The following CMSS1 variants were observed in gnomAD, a reference collection of about 807,000 sequenced individuals.
The protein encoded by CMSS1 is protein CMSS1.
Under a neutral mutation model 43.5 loss-of-function variants are expected in CMSS1, and 33 were observed. That is an observed-to-expected ratio of 0.76 (90% CI 0.57 to 1.01). The LOEUF (loss-of-function observed/expected upper bound fraction) is 1.01, where lower values mean the gene tolerates loss of function less well. CMSS1 is among the 50% of genes least tolerant of loss of function. CMSS1 has a pLI of 0.00. For missense variants in CMSS1, 313 were observed against 326.4 expected (o/e 0.96, Z 0.32); for synonymous variants, 115 against 117.2 (o/e 0.98, Z 0.12).
At position 100,120,965 on chromosome 3, in the gene CMSS1, G is replaced by T. The variant is rs1330086223; in HGVS notation, c.65-26008G>T. Among the ~76,000 whole-genome samples, 8 of 152,202 alleles carry T rather than the reference G, an allele frequency of 5.3e-5. No homozygotes were observed. In the East Asian group the frequency reaches 1.5e-3, roughly 29 times the overall value. On this transcript the variant is annotated intron_variant, in intron 1 of 9. Transcript: ENST00000421999. The stretch of plus-strand genomic sequence containing the variant: ...CTTAAGGACAGGGCTATGGCATCCA[G>T]CTTTGTACTCATGAAAATTGTGTGG...
rs765510032 is a variant in CMSS1 at position 99,818,081 on chromosome 3, C to T, written c.64+38C>T. 4 of 1,598,276 alleles carry T rather than the reference C, an allele frequency of 2.5e-6. No individual in the cohort carries two copies. The South Asian group carries it at 4.4e-5, about 18-fold the overall frequency. ...TGCCCGCGCTCCTACGGGGCCTCTC[C>T]CGGAGCCCTTCCGTGCGCCTCAGCC... On this transcript the variant is annotated intron_variant, in intron 1 of 9. Transcript: ENST00000421999.
intron 1 of CMSS1, among the ~76,000 whole-genome samples, chr3:99,888,829 C>A (rs1286967121): frequency 6.6e-6 from 1 of 152,136 alleles, no homozygotes; most frequent in Non-Finnish European, 1.5e-5. Flanking sequence ...CTGCTAAGAA[C>A]TTTAGCTTGT....
intron 1 of CMSS1, chr3:99,848,871 C>G: frequency 1.9e-6 from 3 of 1,614,070 alleles, no homozygotes; most frequent in Non-Finnish European, 2.5e-6. Context: ...AGTTCGGTAT[C>G]ACTGCAGTAC....
chr3:99,895,335 G>A (rs981032376), intron 1 of CMSS1, among the ~76,000 whole-genome samples: 1 of 150,952 alleles, frequency 6.6e-6, no homozygotes, highest in African/African-American at 2.4e-5. Flanking sequence ...AACTAGCTTT[G>A]CAGTTGGTCT....
intron 1 of CMSS1, among the ~76,000 whole-genome samples, chr3:99,956,295 T>C (rs191414565): frequency 6.0e-4 from 92 of 152,306 alleles, no homozygotes; most frequent in African/African-American, 2.1e-3. Flanking sequence ...ACACATGTTC[T>C]CCTTTTCCTG....
chr3:100,146,982 A>G lies in CMSS1; in HGVS notation c.74A>G (p.Asp25Gly). Residue 25 changes from aspartate (D) to glycine (G), a missense_variant, in exon 2 of 10, where the codon GAT becomes GGT. Physicochemically the swap from Asp to Gly is moderately conservative, Grantham distance 94. Transcript: ENST00000421999. Reference sequence around the variant, plus strand: ...ACTTTATATTTTCTAGAAGCATCAGATGGTGAAGGAGAAGGAGACACAGAA... The same window carrying G: ...ACTTTATATTTTCTAGAAGCATCAGGTGGTGAAGGAGAAGGAGACACAGAA... ...TGAGSSPEAS[D>G]GEGEGDTEVM... The G allele has an allele frequency of 6.2e-7, 1 of 1,613,728 alleles. No homozygotes were observed. Among genetic ancestry groups the G allele is most frequent in the Non-Finnish European group, 8.5e-7 (1 of 1,179,710 alleles).
intron 1 of CMSS1, among the ~76,000 whole-genome samples, chr3:99,871,798 A>G (rs1944801087): frequency 6.6e-6 from 1 of 152,128 alleles, no homozygotes; most frequent in African/African-American, 2.4e-5. Flanking sequence ...GGCACCTCTC[A>G]CCTTCCAAGT....
At chr3:100,024,831 C>T (rs2064889487) in intron 1 of CMSS1, among the ~76,000 whole-genome samples, 1 of 152,094 alleles carries the variant, frequency 6.6e-6, no homozygotes, top group East Asian at 1.9e-4. Flanking sequence ...AGGGTGGTTA[C>T]AAGGCTTGCC....
chr3:99,850,227 T>C, intron 1 of CMSS1: 1 of 1,613,638 alleles, frequency 6.2e-7, no homozygotes, highest in Non-Finnish European at 8.5e-7. Flanking sequence ...TTAGAGTGAA[T>C]TCTGTCTTTT....
intron 1 of CMSS1, among the ~76,000 whole-genome samples, chr3:100,000,522 G>A (rs937730258): frequency 2.0e-5 from 3 of 152,260 alleles, no homozygotes; most frequent in South Asian, 2.1e-4. Flanking sequence ...GTGAAAATTT[G>A]ATGGGAAGTG....
Position 100,062,838 on chromosome 3 carries a change from G to T in CMSS1, c.65-84135G>T, listed in dbSNP as rs2065597591. The stretch of plus-strand genomic sequence containing the variant: ...CCTCCCCTCCAGCCTGGATTACTGT[G>T]ATGACTAGTCCCCCAACTCTCAGTT... On this transcript the variant is annotated intron_variant, in intron 1 of 9. Transcript: ENST00000421999. 4.6e-5 allele frequency among the ~76,000 whole-genome samples: 7 copies of T among 152,168 alleles called. No individual in the cohort carries two copies. The South Asian group carries it at 1.5e-3, about 32-fold the overall frequency.
chr3:100,089,122 A>G (rs1053227531), intron 1 of CMSS1, among the ~76,000 whole-genome samples: 14 of 152,208 alleles, frequency 9.2e-5, no homozygotes, highest in Admixed American at 9.2e-4. Flanking sequence ...ATCCAAGAGT[A>G]AAAGTTATAT....
intron 1 of CMSS1, among the ~76,000 whole-genome samples, chr3:99,958,225 A>ATTG (rs1708393247): frequency 6.9e-6 from 1 of 145,676 alleles, no homozygotes; most frequent in Non-Finnish European, 1.5e-5. Flanking sequence ...TATTATTATT[A>ATTG]TTATTATTAT....
intron 1 of CMSS1, among the ~76,000 whole-genome samples, chr3:100,046,344 A>C (rs77585766): frequency 2.6e-5 from 4 of 152,216 alleles, no homozygotes; most frequent in Non-Finnish European, 5.9e-5. Flanking sequence ...GAATTTGCAG[A>C]ATTATTTTTA....
chr3:99,983,741 G>T lies in CMSS1; in HGVS notation c.65-163232G>T, dbSNP rs186644458. ...ACCACATTATTTACCTAGAATCTCT[G>T]TTTCCAACTGTTCAGACCCCAATAT... is the stretch of plus-strand genomic sequence containing the variant. On this transcript the variant is annotated intron_variant, in intron 1 of 9. Transcript: ENST00000421999. Among the ~76,000 whole-genome samples the T allele has an allele frequency of 6.0e-5, 9 of 150,242 alleles. No homozygotes were observed. The East Asian group carries it at 1.7e-3, about 29-fold the overall frequency.
chr3:100,163,603 C>T, intron 4 of CMSS1, among the ~76,000 whole-genome samples: 1 of 152,156 alleles, frequency 6.6e-6, no homozygotes, highest in East Asian at 1.9e-4. Flanking sequence ...GTGGCACCAT[C>T]GTAGTTCACT....
At chr3:99,848,866 G>A (rs780796920) in intron 1 of CMSS1, 28 of 1,613,934 alleles carry the variant, frequency 1.7e-5, no homozygotes, top group East Asian at 1.6e-4. Context: ...GCCACAGTTC[G>A]GTATCACTGC....
intron 1 of CMSS1, among the ~76,000 whole-genome samples, chr3:100,111,786 G>C (rs899295634): frequency 7.2e-5 from 11 of 152,140 alleles, no homozygotes; most frequent in African/African-American, 2.7e-4. Context: ...TCTATAGCTT[G>C]CACCAAAATG....
chr3:100,037,968 G>A (rs6440989), intron 1 of CMSS1, among the ~76,000 whole-genome samples: 3,720 of 14,944 alleles, frequency 0.25, 313 homozygotes, highest in East Asian at 0.41. Flanking sequence ...GGGGGGGAGG[G>A]AACAGAGTCT....
Sources: gnomAD v4.1 joint callset for allele counts (sites outside exome capture counted in the v4.1 genomes callset) on GRCh38, gnomAD v4.1.1 for gene constraint, MANE v1.5 for transcripts, NCBI Gene and HGNC (gene_info 2026-07-23, HGNC 2026-07-21) for gene names.